DIAPH2: variants seen among roughly 807,000 people sequenced by gnomAD.
DIAPH2 encodes protein diaphanous homolog 2.
A neutral mutation model predicts 92.7 loss-of-function variants in DIAPH2; 35 were observed. The ratio of observed to expected loss-of-function variants is 0.38; its 90% confidence interval spans 0.29 to 0.50. DIAPH2 has a LOEUF of 0.50. Among genes scored for constraint, DIAPH2 ranks in the 20% least tolerant of loss-of-function variants. The probability of loss-of-function intolerance (pLI) is 0.94; values close to 1 mark genes in which losing one functional copy is unlikely to be tolerated. For synonymous variants in DIAPH2, 301 were observed against 280.4 expected (o/e 1.07, Z -0.73); for missense variants, 701 against 819.5 (o/e 0.86, Z 1.77).
intron 17 of DIAPH2, among the ~76,000 whole-genome samples, chrX:96,988,722 C>G (rs1242863913): frequency 9.0e-6 from 1 of 111,320 alleles, no homozygotes; most frequent in Non-Finnish European, 1.9e-5. Context: ...TGCTTCAACT[C>G]TAGGGATTTG....
intron 4 of DIAPH2, among the ~76,000 whole-genome samples, chrX:96,773,428 G>C (rs1286035413): frequency 9.0e-6 from 1 of 111,112 alleles, no homozygotes; most frequent in East Asian, 2.8e-4. Flanking sequence ...TGCCAGGGTT[G>C]TGTGCAGACA....
chrX:97,520,839 C>T (rs930885851), intron 26 of DIAPH2, among the ~76,000 whole-genome samples: 2 of 112,317 alleles, frequency 1.8e-5, no homozygotes, highest in South Asian at 3.7e-4. Context: ...CGAAGTACAA[C>T]ATTGTCTTTG....
At chrX:96,900,055 C>T (rs963846852) in intron 5 of DIAPH2, among the ~76,000 whole-genome samples, 12 of 111,747 alleles carry the variant, frequency 1.1e-4, no homozygotes, top group African/African-American at 3.9e-4. Context: ...TTGAACCAGC[C>T]TGTTTGGCAG....
intron 4 of DIAPH2, among the ~76,000 whole-genome samples, chrX:96,828,279 C>T (rs1403479177): frequency 1.8e-5 from 2 of 111,267 alleles, no homozygotes; most frequent in Non-Finnish European, 3.8e-5. Context: ...TTGTCATTTT[C>T]TCATCTCCTC....
intron 22 of DIAPH2, among the ~76,000 whole-genome samples, chrX:97,150,780 G>A (rs779147443): frequency 6.3e-5 from 7 of 111,877 alleles, no homozygotes; most frequent in African/African-American, 2.3e-4. Context: ...TCTCAGTTAT[G>A]TATGATATCA....
chrX:96,781,514 G>GC (rs1442496862), intron 4 of DIAPH2, among the ~76,000 whole-genome samples: 1 of 110,569 alleles, frequency 9.0e-6, no homozygotes, highest in Non-Finnish European at 1.9e-5. Context: ...CTTGATTTCT[G>GC]CCCTTCTAAT....
At position 96,975,653 on chromosome X, in the gene DIAPH2, A is replaced by G. The variant is rs145122394; in HGVS notation, c.2050+10446A>G. ...ACCATAAATTGGGTAGCTTATAAACAACAGAAATTTATTTCTCACGCTTCT... is the reference window on the plus strand; with the variant it reads ...ACCATAAATTGGGTAGCTTATAAACGACAGAAATTTATTTCTCACGCTTCT... On this transcript the variant is annotated intron_variant, in intron 17 of 26. Transcript: ENST00000324765. Among the ~76,000 whole-genome samples the G allele has an allele frequency of 6.5e-3, 730 of 112,031 alleles. 7 individuals carry two copies. Among genetic ancestry groups the G allele is most frequent in the African/African-American group, 0.023 (707 of 30,854 alleles).
intron 17 of DIAPH2, among the ~76,000 whole-genome samples, chrX:97,010,880 C>T (rs891456449): frequency 9.0e-6 from 1 of 111,541 alleles, no homozygotes; most frequent in African/African-American, 3.3e-5. Flanking sequence ...CGTTTCCAGG[C>T]TTCTCCCTAT....
chrX:96,791,851 C>A (rs991669057), intron 4 of DIAPH2, among the ~76,000 whole-genome samples: 15 of 110,766 alleles, frequency 1.4e-4, no homozygotes, highest in African/African-American at 4.3e-4. Context: ...TTGGGGAGAT[C>A]ATTTTTATCT....
At chrX:96,754,182 AT>A (rs1435503316) in intron 3 of DIAPH2, among the ~76,000 whole-genome samples, 1 of 111,733 alleles carries the variant, frequency 8.9e-6, no homozygotes, top group African/African-American at 3.3e-5. Flanking sequence ...TTCCAGTCAG[AT>A]TTTTTTCATC....
At chrX:97,146,914 TC>T (rs755250791) in intron 22 of DIAPH2, among the ~76,000 whole-genome samples, 258 of 112,080 alleles carry the variant, frequency 2.3e-3, no homozygotes, top group African/African-American at 8.2e-3. Flanking sequence ...TTCAGTCTTC[TC>T]TTCCATTAGG....
intron 22 of DIAPH2, among the ~76,000 whole-genome samples, chrX:97,200,384 A>T (rs758385773): frequency 2.3e-3 from 143 of 61,476 alleles, no homozygotes; most frequent in African/African-American, 7.7e-3. Context: ...CCAGGGAGCC[A>T]AGTGGTCTCG....
intron 23 of DIAPH2, among the ~76,000 whole-genome samples, chrX:97,333,178 T>C (rs926090692): frequency 8.9e-6 from 1 of 111,824 alleles, no homozygotes; most frequent in Non-Finnish European, 1.9e-5. Context: ...TAAAGTACTG[T>C]CCTGATCTCG....
intron 26 of DIAPH2, among the ~76,000 whole-genome samples, chrX:97,546,090 C>A (rs1303344375): frequency 9.0e-6 from 1 of 110,704 alleles, no homozygotes; most frequent in South Asian, 3.9e-4. Flanking sequence ...TAGGAAAATT[C>A]AGTACAATAA....
intron 22 of DIAPH2, among the ~76,000 whole-genome samples, chrX:97,155,612 G>A (rs2067317065): frequency 8.9e-6 from 1 of 111,757 alleles, no homozygotes; most frequent in Non-Finnish European, 1.9e-5. Flanking sequence ...TTGAATGTAT[G>A]TTATTATTTT....
chrX:97,469,784 C>T, intron 26 of DIAPH2: 2 of 1,185,826 alleles, frequency 1.7e-6, no homozygotes, highest in East Asian at 3.0e-5. Flanking sequence ...GGTGATGGTA[C>T]AACATGACTT....
At chrX:97,346,881 T>C (rs755671371) in intron 23 of DIAPH2, among the ~76,000 whole-genome samples, 6 of 110,945 alleles carry the variant, frequency 5.4e-5, no homozygotes, top group African/African-American at 2.0e-4. Context: ...TTTTCTTGCC[T>C]GCTTCAGGAG....
chrX:96,855,120 G>A (rs756760722), intron 4 of DIAPH2, among the ~76,000 whole-genome samples: 4 of 109,439 alleles, frequency 3.7e-5, no homozygotes, highest in Non-Finnish European at 5.7e-5. Context: ...CCATCTTTCC[G>A]TTGCTTGGAA....
chrX:96,740,951 C>T (rs1452083811), intron 3 of DIAPH2, among the ~76,000 whole-genome samples: 1 of 110,875 alleles, frequency 9.0e-6, no homozygotes, highest in Non-Finnish European at 1.9e-5. Context: ...CATCTTTATT[C>T]TCTGCTGATG....
Sources: gnomAD v4.1 joint callset for allele counts (sites outside exome capture counted in the v4.1 genomes callset) on GRCh38, gnomAD v4.1.1 for gene constraint, MANE v1.5 for transcripts, NCBI Gene and HGNC (gene_info 2026-07-23, HGNC 2026-07-21) for gene names.